The following ACSS2 variants were observed in gnomAD, a reference collection of about 807,000 sequenced individuals.
ACSS2 encodes acetyl-coenzyme A synthetase, cytoplasmic.
ACSS2 carries 58 observed loss-of-function variants against 90.6 expected under a neutral mutation model. That is an observed-to-expected ratio of 0.64 (90% CI 0.52 to 0.80). ACSS2 has a LOEUF of 0.80. Ranked by LOEUF, ACSS2 falls within the 30% of genes least tolerant of loss-of-function variation. The pLI is 0.00. For synonymous variants in ACSS2, 300 were observed against 330.9 expected, an observed-to-expected ratio of 0.91 and a Z score of 1.01; for missense variants, 759 against 912.0, an observed-to-expected ratio of 0.83 and a Z score of 2.16.
upstream of ACSS2, chr20:34,876,602 C>A: frequency 7.7e-7 from 1 of 1,295,726 alleles, no homozygotes; most frequent in Non-Finnish European, 9.9e-7. Context: ...TCCCGGCACC[C>A]GCCGCGACCG....
At chr20:34,923,213 A>G in intron 13 of ACSS2, 110 bp from the exon 14 acceptor site, 1 of 792,688 alleles carries the variant, frequency 1.3e-6, no homozygotes, top group South Asian at 1.6e-5. Context: ...CTCTGTCTCC[A>G]AAGCCTGTAC....
At chr20:34,913,360 T>C (rs1215542947) in intron 3 of ACSS2, 33 bp from the exon 4 acceptor site, 2 of 1,605,644 alleles carry the variant, frequency 1.2e-6, no homozygotes, top group Admixed American at 3.3e-5. Flanking sequence ...GCAAGAAGGG[T>C]TCATGGTTCA....
intron 13 of ACSS2, chr20:34,922,859 A>G (rs6087649): frequency 0.55 from 86,314 of 157,766 alleles, 24,354 homozygotes; most frequent in South Asian, 0.73. Flanking sequence ...CATCCATTCC[A>G]TCGATCTGCT....
At chr20:34,892,743 T>C (rs1222242277) in intron 2 of ACSS2, among the ~76,000 whole-genome samples, 2 of 152,200 alleles carry the variant, frequency 1.3e-5, no homozygotes, top group African/African-American at 4.8e-5. Flanking sequence ...GTAACAGCGG[T>C]GCTGATCTGG....
chr20:34,927,464 A>T lies in ACSS2; in HGVS notation c.*250A>T. ...GCAGAGCTCTCAGAACCCAGAACAG[A>T]GACGAAAAGGCTACCTCTCCTACCC... On this transcript the variant is annotated 3_prime_UTR_variant, in exon 18 of 18. Coordinates refer to ENST00000360596, the MANE Select transcript of ACSS2 (RefSeq NM_018677.4). The surrounding 1 kb of genome is among the most constrained non-coding windows in gnomAD (Gnocchi z 4.2). The T allele has an allele frequency of 1.8e-6, 1 of 544,940 alleles. No individual in the cohort carries two copies. The highest frequency in any genetic ancestry group is 2.3e-5 in the South Asian group (1 of 43,060). 33.8% of individuals were successfully genotyped at this position (544,940 alleles called of 1,614,324 possible). A position where few individuals can be genotyped will look rare whatever the true frequency, so the allele number is the denominator to read the frequency against.
intron 15 of ACSS2, 70 bp downstream of exon 15, chr20:34,925,836 C>A: frequency 1.3e-6 from 2 of 1,538,080 alleles, no homozygotes; most frequent in East Asian, 2.4e-5. Context: ...CGAAGCCTTC[C>A]GCAAGAGCCC....
chr20:34,910,476 G>A (rs1172518407), intron 2 of ACSS2, among the ~76,000 whole-genome samples: 2 of 152,126 alleles, frequency 1.3e-5, no homozygotes, highest in South Asian at 2.1e-4. Flanking sequence ...TCGAGACTCT[G>A]CCTCTATGAA....
At chr20:34,904,459 A>T (rs138065230) in intron 2 of ACSS2, among the ~76,000 whole-genome samples, 1 of 152,160 alleles carries the variant, frequency 6.6e-6, no homozygotes, top group Non-Finnish European at 1.5e-5. Flanking sequence ...GAATAGTTGT[A>T]TGTGAGGACA....
chr20:34,887,423 G>T (rs1318066984), intron 2 of ACSS2, among the ~76,000 whole-genome samples: 1 of 152,200 alleles, frequency 6.6e-6, no homozygotes, highest in African/African-American at 2.4e-5. Context: ...TAGTCTCATG[G>T]AATTTACATT....
At chr20:34,907,389 T>C (rs918192465) in intron 2 of ACSS2, among the ~76,000 whole-genome samples, 2 of 152,198 alleles carry the variant, frequency 1.3e-5, no homozygotes, top group Non-Finnish European at 2.9e-5. Context: ...AAGTGTGGGA[T>C]TACATGTGTG....
intron 2 of ACSS2, among the ~76,000 whole-genome samples, chr20:34,887,512 G>T (rs1361948397): frequency 2.0e-5 from 3 of 152,214 alleles, no homozygotes; most frequent in Non-Finnish European, 4.4e-5. Context: ...AGCCAAGGCA[G>T]GTGGATCACC....
chr20:34,880,512 C>G (rs1182220772), intron 1 of ACSS2, among the ~76,000 whole-genome samples: 1 of 151,776 alleles, frequency 6.6e-6, no homozygotes, highest in Non-Finnish European at 1.5e-5. Flanking sequence ...CTACTGCACT[C>G]CAGCCTGGGT....
intron 2 of ACSS2, among the ~76,000 whole-genome samples, chr20:34,909,944 T>G (rs927155260): frequency 1.4e-4 from 21 of 152,052 alleles, no homozygotes; most frequent in African/African-American, 5.1e-4. Flanking sequence ...CTCAAACTCC[T>G]GACCCCAGGT....
chr20:34,921,456 A>G lies in ACSS2; in HGVS notation c.1404A>G (p.Thr468=). Residue 468 remains threonine (T), a synonymous_variant, in exon 11 of 18, where the codon ACA becomes ACG. Transcript: ENST00000360596. ...RCPIVDTFWQ[T]ETGGHMLTPL... ...CCATCGTGGACACCTTCTGGCAAAC[A>G]GAGACAGTGAGTGAAGGGTACAGAA... is the stretch of plus-strand genomic sequence containing the variant. 4 of 1,614,222 alleles carry G rather than the reference A, an allele frequency of 2.5e-6. No individual in the cohort carries two copies. Among genetic ancestry groups the G allele is most frequent in the Non-Finnish European group, 3.4e-6 (4 of 1,180,030 alleles).
chr20:34,879,370 T>G (rs1171038585), intron 1 of ACSS2, among the ~76,000 whole-genome samples: 1 of 151,950 alleles, frequency 6.6e-6, no homozygotes, highest in Non-Finnish European at 1.5e-5. Context: ...TCCTTCTGCT[T>G]CTCTCTACCT....
chr20:34,909,666 C>A (rs1301989561), intron 2 of ACSS2, among the ~76,000 whole-genome samples: 1 of 151,542 alleles, frequency 6.6e-6, no homozygotes, highest in Non-Finnish European at 1.5e-5. Context: ...TTACCCTGTG[C>A]TTGACTGGGG....
intron 2 of ACSS2, among the ~76,000 whole-genome samples, chr20:34,912,295 T>G (rs1398885881): frequency 6.6e-6 from 1 of 152,198 alleles, no homozygotes; most frequent in East Asian, 1.9e-4. Flanking sequence ...AAACTTTATT[T>G]ATTTATTCAA....
intron 2 of ACSS2, among the ~76,000 whole-genome samples, chr20:34,898,547 G>GT (rs1287030849): frequency 1.3e-5 from 2 of 151,582 alleles, no homozygotes; most frequent in African/African-American, 4.9e-5. Context: ...GCCGATTGGT[G>GT]TATTTACAAT....
chr20:34,925,254 T>C (rs1189853763), intron 14 of ACSS2, among the ~76,000 whole-genome samples: 1 of 152,200 alleles, frequency 6.6e-6, no homozygotes, highest in Non-Finnish European at 1.5e-5. Flanking sequence ...TGTAGTCATC[T>C]GAAGGTTTGA....
Sources: allele counts gnomAD v4.1 joint callset (sites outside exome capture counted in the v4.1 genomes callset), GRCh38; gene constraint gnomAD v4.1.1; non-coding constraint Gnocchi (gnomAD v3.1); transcripts MANE v1.5; gene names NCBI Gene and HGNC (gene_info 2026-07-23, HGNC 2026-07-21).